LSAMP: variants seen among roughly 807,000 people sequenced by gnomAD.
LSAMP encodes the protein limbic system-associated membrane protein.
In LSAMP, 7 loss-of-function variants were observed where a neutral mutation model predicts 38.6. That is an observed-to-expected ratio of 0.18 (90% confidence interval 0.10 to 0.34). LSAMP has a LOEUF of 0.34. Among genes scored for constraint, LSAMP ranks in the 10% least tolerant of loss-of-function variants. The pLI is 1.00. For synonymous variants in LSAMP, 154 were observed against 166.8 expected (o/e 0.92, Z 0.59); for missense variants, 313 against 420.0 (o/e 0.75, Z 2.23).
At chr3:115,843,991 T>C (rs1935079077) in intron 4 of LSAMP, among the ~76,000 whole-genome samples, 1 of 152,212 alleles carries the variant, frequency 6.6e-6, no homozygotes, top group Non-Finnish European at 1.5e-5. Flanking sequence ...GAAGATGCTG[T>C]CATAAAACGA....
chr3:116,308,227 C>T (rs1451263729), intron 1 of LSAMP, among the ~76,000 whole-genome samples: 1 of 151,976 alleles, frequency 6.6e-6, no homozygotes, highest in African/African-American at 2.4e-5. Flanking sequence ...TCAGGACAAG[C>T]TCCCTCTAGA....
rs182431631 is a variant in LSAMP, at chr3:116,168,596, T to C, written c.156-82040A>G. Among the ~76,000 whole-genome samples, 10 of 152,282 alleles carry C rather than the reference T, an allele frequency of 6.6e-5. No individual in the cohort carries two copies. The East Asian group carries it at 1.2e-3, about 18-fold the overall frequency. ...CAGCATATATCTGCTTCCTAACTTA[T>C]GGAGTTCTGACACAAATTGATTGGA... On this transcript the variant is annotated intron_variant, in intron 1 of 6. Coordinates refer to ENST00000490035, the MANE Select transcript of LSAMP (RefSeq NM_002338.5).
chr3:116,220,214 A>ACACACACACACACAC (rs1559788005), intron 1 of LSAMP, among the ~76,000 whole-genome samples: 2 of 148,818 alleles, frequency 1.3e-5, no homozygotes, highest in Non-Finnish European at 3.0e-5. Flanking sequence ...ACACACACAC[A>ACACACACACACACAC]ATGAGATATC....
intron 1 of LSAMP, among the ~76,000 whole-genome samples, chr3:116,179,195 C>A (rs746344778): frequency 1.5e-4 from 23 of 152,204 alleles, no homozygotes; most frequent in Non-Finnish European, 3.4e-4. Flanking sequence ...CTGCTTCCTG[C>A]TGTACTTCAG....
intron 3 of LSAMP, among the ~76,000 whole-genome samples, chr3:115,929,873 G>A (rs752965150): frequency 2.0e-5 from 3 of 151,886 alleles, no homozygotes; most frequent in Non-Finnish European, 2.9e-5. Flanking sequence ...AATCTTTTGT[G>A]ATTAAGCATA....
At chr3:116,357,227 A>G (rs1228925449) in intron 1 of LSAMP, among the ~76,000 whole-genome samples, 1 of 152,196 alleles carries the variant, frequency 6.6e-6, no homozygotes, top group Non-Finnish European at 1.5e-5. Flanking sequence ...AGTCAATGTG[A>G]AAAAACTATA....
chr3:116,150,910 T>TA (rs3071082), intron 1 of LSAMP, among the ~76,000 whole-genome samples: 3 of 151,788 alleles, frequency 2.0e-5, no homozygotes, highest in Admixed American at 6.6e-5. Context: ...GTCATTTCAC[T>TA]CTTAGCATAT....
chr3:116,213,645 G>A (rs2046188148), intron 1 of LSAMP, among the ~76,000 whole-genome samples: 1 of 152,040 alleles, frequency 6.6e-6, no homozygotes, highest in African/African-American at 2.4e-5. Context: ...GACAACATGT[G>A]GAAACAAACT....
intron 3 of LSAMP, among the ~76,000 whole-genome samples, chr3:115,968,676 C>T (rs1482059897): frequency 3.3e-5 from 5 of 152,172 alleles, no homozygotes; most frequent in Admixed American, 3.3e-4. Context: ...AGGGATGGTG[C>T]AAGAACTCCT....
At chr3:116,301,419 T>C (rs184116297) in intron 1 of LSAMP, among the ~76,000 whole-genome samples, 25 of 152,114 alleles carry the variant, frequency 1.6e-4, no homozygotes, top group African/African-American at 4.8e-4. Flanking sequence ...ACAAAATCAA[T>C]AATGAAGACT....
chr3:116,115,929 G>T (rs1300653705), intron 1 of LSAMP, among the ~76,000 whole-genome samples: 2 of 151,714 alleles, frequency 1.3e-5, no homozygotes, highest in African/African-American at 4.8e-5. Context: ...CCGTAGGGCG[G>T]CTTCCACCCC....
At chr3:115,880,481 A>T (rs1415436061) in intron 3 of LSAMP, among the ~76,000 whole-genome samples, 1 of 152,166 alleles carries the variant, frequency 6.6e-6, no homozygotes, top group South Asian at 2.1e-4. Flanking sequence ...TAAATATTTG[A>T]CAACCAAATT....
chr3:116,241,169 C>A (rs1484487711), intron 1 of LSAMP, among the ~76,000 whole-genome samples: 2 of 148,358 alleles, frequency 1.3e-5, no homozygotes, highest in East Asian at 2.0e-4. Flanking sequence ...AAGTGTGAAA[C>A]TCCATTTAAA....
At chr3:116,167,078 G>A (rs144371544) in intron 1 of LSAMP, among the ~76,000 whole-genome samples, 1,571 of 152,068 alleles carry the variant, frequency 0.01, 26 homozygotes, top group African/African-American at 0.035. Flanking sequence ...GGCGTGAGCC[G>A]CTGCGCCTGG....
chr3:116,402,562 T>C (rs1264988067), intron 1 of LSAMP, among the ~76,000 whole-genome samples: 2 of 152,110 alleles, frequency 1.3e-5, no homozygotes, highest in Non-Finnish European at 2.9e-5. Flanking sequence ...CTAAAAAGTA[T>C]GCTAATAATT....
intron 2 of LSAMP, among the ~76,000 whole-genome samples, chr3:116,063,513 T>A (rs1220021816): frequency 6.6e-6 from 1 of 152,162 alleles, no homozygotes. Context: ...CAACGTTGCA[T>A]TGAAAACATG....
intron 1 of LSAMP, among the ~76,000 whole-genome samples, chr3:116,269,466 C>T (rs1434873314): frequency 6.6e-6 from 1 of 152,070 alleles, no homozygotes; most frequent in Non-Finnish European, 1.5e-5. Flanking sequence ...CAAATATTTG[C>T]TCAAGTTTGA....
At chr3:116,290,734 A>T (rs867347881) in intron 1 of LSAMP, among the ~76,000 whole-genome samples, 2 of 140,500 alleles carry the variant, frequency 1.4e-5, no homozygotes, top group Admixed American at 7.2e-5. Flanking sequence ...TGTCTCACAA[A>T]AATAATAATA....
chr3:115,810,245 G>GTCTCTCTCTGTCTC lies in LSAMP; in HGVS notation c.*71_*72insGAGACAGAGAGAGA, dbSNP rs1933776866. The GTCTCTCTCTGTCTC allele has an allele frequency of 1.3e-6, 1 of 779,718 alleles. No individual in the cohort carries two copies. Among genetic ancestry groups the GTCTCTCTCTGTCTC allele is most frequent in the Non-Finnish European group, 2.0e-6 (1 of 509,152 alleles). The allele number at this position is 779,718 out of a possible 1,614,324, so 48.3% of individuals were successfully genotyped here. A position where few individuals can be genotyped will look rare whatever the true frequency, so the allele number is the denominator to read the frequency against. On this transcript the variant is annotated 3_prime_UTR_variant, in exon 7 of 7. Transcript: ENST00000490035. Reference sequence around the variant, plus strand: ...CATCTCTCTCTCTCTCTCTCTCTCTGTCTCTCTCTCTCTGTATTCTGTGTG... The same window carrying GTCTCTCTCTGTCTC: ...CATCTCTCTCTCTCTCTCTCTCTCTGTCTCTCTCTGTCTCTCTCTCTCTCTCTGTATTCTGTGTG...
Sources: gnomAD v4.1 joint callset for allele counts (sites outside exome capture counted in the v4.1 genomes callset) on GRCh38, gnomAD v4.1.1 for gene constraint, MANE v1.5 for transcripts, NCBI Gene and HGNC (gene_info 2026-07-23, HGNC 2026-07-21) for gene names.